POLE: variants seen among roughly 807,000 people sequenced by gnomAD.
POLE encodes the protein DNA polymerase epsilon, catalytic subunit.
A neutral mutation model predicts 279.2 loss-of-function variants in POLE; 188 were observed. The ratio of observed to expected loss-of-function variants is 0.67; its 90% CI spans 0.60 to 0.76. The LOEUF is 0.76. Ranked by LOEUF, POLE falls within the 30% of genes least tolerant of loss-of-function variation. POLE has a pLI of 0.00. For missense variants in POLE, 2,703 were observed against 3,016.7 expected (o/e 0.90, Z 2.44); for synonymous variants, 1,214 against 1,172.5 (o/e 1.04, Z -0.72).
chr12:132,659,817 A>C, intron 25 of POLE: 1 of 309,062 alleles, frequency 3.2e-6, no homozygotes, highest in East Asian at 7.6e-5. Context: ...TCAGCCTCCC[A>C]AGTAGCTGAG....
intron 45 of POLE, among the ~76,000 whole-genome samples, chr12:132,630,497 C>A (rs990062596): frequency 6.6e-6 from 1 of 152,186 alleles, no homozygotes. Flanking sequence ...CGCCTGTAAT[C>A]CCAGCACTTT....
chr12:132,625,413 C>T, intron 47 of POLE: 1 of 756,786 alleles, frequency 1.3e-6, no homozygotes, highest in South Asian at 1.4e-5. Flanking sequence ...GTGTCTGCCT[C>T]CTTCCGCTAG....
At position 132,664,292 on chromosome 12, in the gene POLE, A is replaced by G. The variant is rs1486101457; in HGVS notation, c.2561+78T>C. ...CCTTCCTGCCCAGTGTGTGGCCTCC[A>G]GCCTTCCCTCCTTCCTTCCTGCCCA... is the stretch of plus-strand genomic sequence containing the variant. On this transcript the variant is annotated intron_variant, in intron 22 of 48. Transcript: ENST00000320574. The surrounding 1 kb of genome is among the most constrained non-coding windows in gnomAD (Gnocchi z 5.3). 1 of 1,434,766 alleles carries G rather than the reference A, an allele frequency of 7.0e-7. No individual in the cohort carries two copies. The highest frequency in any genetic ancestry group is 9.8e-7 in the Non-Finnish European group (1 of 1,022,750). 88.9% of individuals were successfully genotyped at this position (1,434,766 alleles called of 1,614,324 possible).
intron 45 of POLE, 56 bp from the exon 46 acceptor site, chr12:132,626,373 T>G: frequency 1.3e-6 from 2 of 1,546,552 alleles, no homozygotes; most frequent in Non-Finnish European, 1.8e-6. Context: ...CCTGCTGCTC[T>G]GTCTGGACCA....
At chr12:132,627,450 C>G (rs1258665287) in intron 45 of POLE, among the ~76,000 whole-genome samples, 1 of 152,116 alleles carries the variant, frequency 6.6e-6, no homozygotes, top group East Asian at 1.9e-4. Flanking sequence ...CAGGCATGCG[C>G]CACCATGCCC....
At chr12:132,645,402 G>C (rs918511209) in intron 32 of POLE, among the ~76,000 whole-genome samples, 2 of 151,104 alleles carry the variant, frequency 1.3e-5, no homozygotes, top group African/African-American at 4.9e-5. Context: ...GGGGCTGGGG[G>C]AATCCTGGAG....
chr12:132,662,041 C>T (rs1474195233), intron 23 of POLE, among the ~76,000 whole-genome samples: 5 of 152,204 alleles, frequency 3.3e-5, no homozygotes, highest in African/African-American at 7.2e-5. Context: ...TGTGTTGCTT[C>T]GTGGTGCTGG....
chr12:132,667,766 A>C, intron 19 of POLE, 118 bp from the exon 20 acceptor site: 7 of 1,054,126 alleles, frequency 6.6e-6, no homozygotes, highest in South Asian at 1.4e-5. Flanking sequence ...GCAACAGCTC[A>C]GATACACTGC....
At chr12:132,636,410 C>T (rs1471374856) in intron 41 of POLE, among the ~76,000 whole-genome samples, 1 of 137,596 alleles carries the variant, frequency 7.3e-6, no homozygotes, top group Non-Finnish European at 1.5e-5. Context: ...CTAGCGCTGA[C>T]CCAATCCTCT....
rs376687040 is a variant in POLE, at chr12:132,654,948, G to GT, written c.3582+2187dup. Among the ~76,000 whole-genome samples the GT allele has an allele frequency of 6.4e-4, 97 of 152,260 alleles. 2 individuals carry two copies. The Middle Eastern group carries it at 0.02, about 32-fold the overall frequency. ...CCTGTGTTGCCCAGGCTGGGGTGAA[G>GT]TGCCTATTCACAGGTGCCATCATAG... On this transcript the variant is annotated intron_variant, in intron 29 of 48. Coordinates refer to ENST00000320574, the MANE Select transcript of POLE (RefSeq NM_006231.4).
At position 132,677,646 on chromosome 12, in the gene POLE, T is replaced by C. The variant is rs1319446692; in HGVS notation, c.652A>G (p.Ile218Val). ...SKKIADQLDNIVDMREYDVPY... is the reference protein window; with the variant it reads ...SKKIADQLDNVVDMREYDVPY... ...ACATCGTACTCGCGCATGTCCACAATGTTGTCCAACTGGTCAGCTATCTTC... is the reference window on the plus strand; with the variant it reads ...ACATCGTACTCGCGCATGTCCACAACGTTGTCCAACTGGTCAGCTATCTTC... The change falls in exon 7 of 49, where the codon ATT (isoleucine) becomes GTT (valine). Residue 218 changes from isoleucine to valine, a missense_variant. Physicochemically the swap from Ile to Val is conservative, Grantham distance 29 (BLOSUM62 3). Around this residue, in one of 5 missense-constraint regions of POLE, gnomAD observed 1,011 missense variants for 1,111.7 expected, o/e 0.91. Transcript: ENST00000320574. The C allele has an allele frequency of 6.2e-7, 1 of 1,614,200 alleles. No homozygotes were observed. Among genetic ancestry groups the C allele is most frequent in the Non-Finnish European group, 8.5e-7 (1 of 1,180,038 alleles).
chr12:132,649,966 T>G (rs1238168951), intron 29 of POLE, 77 bp from the exon 30 acceptor site: 10 of 1,310,228 alleles, frequency 7.6e-6, no homozygotes, highest in Non-Finnish European at 1.1e-5. Context: ...ATGCCAGCAC[T>G]TTGGGAGGCC....
chr12:132,624,251 G>A lies in POLE; in HGVS notation c.*446C>T. 3.9e-6 allele frequency: 1 copy of A among 254,838 alleles called. No homozygotes were observed. The highest frequency in any genetic ancestry group is 7.6e-6 in the Non-Finnish European group (1 of 130,746). The allele number at this position is 254,838 out of a possible 1,614,324, so 15.8% of individuals were successfully genotyped here. On this transcript the variant is annotated 3_prime_UTR_variant, in exon 49 of 49. Coordinates refer to ENST00000320574, the MANE Select transcript of POLE (RefSeq NM_006231.4). ...CAGGTGAGACTCCAGCCCCACCAGGGCCTTGGGAACCCGTCTCGTCTCAGA... is the reference window on the plus strand; with the variant it reads ...CAGGTGAGACTCCAGCCCCACCAGGACCTTGGGAACCCGTCTCGTCTCAGA...
rs146669696 is a variant in POLE, at chr12:132,634,961, G to A, written c.5812-583C>T. On this transcript the variant is annotated intron_variant, in intron 42 of 48. Coordinates refer to ENST00000320574, the MANE Select transcript of POLE (RefSeq NM_006231.4). This position sits in a 1 kb window ranked among gnomAD's most constrained non-coding sequence, Gnocchi z 4.0. ...TCCAACCAGAATCGCTCCCATCCAG[G>A]TGTCCTGGGCAGTCTTGGCTTCATC... Among the ~76,000 whole-genome samples, 2 of 152,244 alleles carry A rather than the reference G, an allele frequency of 1.3e-5. No homozygotes were observed. The highest frequency in any genetic ancestry group is 3.9e-4 in the East Asian group (2 of 5,180).
rs1031102743 is a variant in POLE at position 132,649,043 on chromosome 12, G to A, written c.4035C>T (p.Phe1345=). The change falls in exon 32 of 49, where the codon TTC becomes TTT. Residue 1345 remains phenylalanine, a synonymous_variant. Transcript: ENST00000320574. ...QISETSQAGL[F]RLWALVGSDL... Reference sequence around the variant, plus strand: ...CACTGCCAACGAGCGCCCACAGCCTGAACAGGCCGGCCTGGCTGGTCTCGC... The same window carrying A: ...CACTGCCAACGAGCGCCCACAGCCTAAACAGGCCGGCCTGGCTGGTCTCGC... 1.9e-6 allele frequency: 3 copies of A among 1,613,160 alleles called. No individual in the cohort carries two copies. Among genetic ancestry groups the A allele is most frequent in the African/African-American group, 1.3e-5 (1 of 74,946 alleles).
At position 132,649,454 on chromosome 12, in the gene POLE, C is replaced by A. The variant is rs771823596; in HGVS notation, c.3857G>T (p.Arg1286Leu). ...ACGCTGCCTCTTCCTGCGGGCGAGG[C>A]GCTGCCGGGCCTGCAGCTGCCACTT... Reference protein sequence around the residue: ...KKKWQLQARQRLARRKRQRLE... With the variant: ...KKKWQLQARQLLARRKRQRLE... The change falls in exon 31 of 49, where the codon CGC becomes CTC. Residue 1286 changes from arginine (R) to leucine (L), a missense_variant. Transcript: ENST00000320574. 1.2e-6 allele frequency: 2 copies of A among 1,612,246 alleles called. No individual in the cohort carries two copies. Among genetic ancestry groups the A allele is most frequent in the Admixed American group, 3.3e-5 (2 of 60,030 alleles).
intron 1 of POLE, among the ~76,000 whole-genome samples, chr12:132,686,037 C>T (rs2043254575): frequency 6.6e-6 from 1 of 151,944 alleles, no homozygotes; most frequent in South Asian, 2.1e-4. Flanking sequence ...CACCACGCCC[C>T]GCTAATTTTG....
chr12:132,657,422 T>C lies in POLE; in HGVS notation c.3386A>G (p.Asp1129Gly), dbSNP rs2042569982. Residue 1129 changes from aspartate to glycine, a missense_variant, in exon 28 of 49, where the codon GAT becomes GGT. By Grantham distance (94) the Asp-to-Gly change is moderately conservative. Around this residue, in one of 5 missense-constraint regions of POLE, gnomAD observed 1,551 missense variants for 1,686.1 expected, o/e 0.92. Transcript: ENST00000320574. Reference sequence around the variant, plus strand: ...CAGCCGCTCAATGTAGTAGTCCCAATCCAGAATCTGCATGTGCAGGAAACG... The same window carrying C: ...CAGCCGCTCAATGTAGTAGTCCCAACCCAGAATCTGCATGTGCAGGAAACG... ...LQDFDIRAILDWDYYIERLGS... is the reference protein window; with the variant it reads ...LQDFDIRAILGWDYYIERLGS... 4 of 1,613,948 alleles carry C rather than the reference T, an allele frequency of 2.5e-6. No individual in the cohort carries two copies. Among genetic ancestry groups the C allele is most frequent in the Non-Finnish European group, 3.4e-6 (4 of 1,179,960 alleles).
intron 33 of POLE, 79 bp from the exon 34 acceptor site, chr12:132,643,639 G>A (rs2042207879): frequency 6.9e-6 from 11 of 1,589,920 alleles, no homozygotes; most frequent in Middle Eastern, 1.7e-4. Context: ...TGCCCGGGAT[G>A]TGGCTGTGCC....
Sources: gnomAD v4.1 joint callset for allele counts (sites outside exome capture counted in the v4.1 genomes callset) on GRCh38, gnomAD v4.1.1 for gene constraint, gnomAD v4.1.1 regional missense constraint, Gnocchi (gnomAD v3.1) non-coding constraint, MANE v1.5 for transcripts, NCBI Gene and HGNC (gene_info 2026-07-23, HGNC 2026-07-21) for gene names.